Variants in COL4A1 observed in about 807,000 individuals in gnomAD.
The protein encoded by COL4A1 is collagen type IV alpha 1 chain, also known as collagen alpha-1(IV) chain.
COL4A1 carries 40 observed loss-of-function variants against 216.6 expected under a neutral mutation model. That is an observed-to-expected ratio of 0.18 (90% CI 0.14 to 0.24). The LOEUF is 0.24. Ranked by LOEUF, COL4A1 falls within the 10% of genes least tolerant of loss-of-function variation. The pLI is 1.00. For synonymous variants in COL4A1, 839 were observed against 810.7 expected (o/e 1.03, Z -0.59); for missense variants, 1,628 against 2,196.8 (o/e 0.74, Z 5.18).
chr13:110,160,028 G>A (rs748627858), intron 49 of COL4A1, among the ~76,000 whole-genome samples: 6 of 152,112 alleles, frequency 3.9e-5, no homozygotes, highest in African/African-American at 1.2e-4. Context: ...GACGGATGGC[G>A]GTGATGGTAA....
intron 1 of COL4A1, among the ~76,000 whole-genome samples, chr13:110,256,210 G>A (rs917965820): frequency 1.3e-5 from 2 of 152,020 alleles, no homozygotes; most frequent in Admixed American, 1.3e-4. Context: ...AGTTGTCCTG[G>A]GCCCCAAGCG....
chr13:110,204,633 AC>A lies in COL4A1; in HGVS notation c.957+719del, dbSNP rs1879403226. Among the ~76,000 whole-genome samples, 4 of 143,628 alleles carry A rather than the reference AC, an allele frequency of 2.8e-5. No individual in the cohort carries two copies. The South Asian group carries it at 9.4e-4, about 34-fold the overall frequency. 94.2% of individuals were successfully genotyped at this position (143,628 alleles called of 152,430 possible). On this transcript the variant is annotated intron_variant, in intron 17 of 51. Transcript: ENST00000375820. The stretch of plus-strand genomic sequence containing the variant: ...TTTTTTTTTTCTGCCTGTCAGATTG[AC>A]AAATATTTTTTAGATTTTTTTTTTT...
rs7988055 is a variant in COL4A1, at chr13:110,185,098, A to G, written c.1897+1287T>C. Among the ~76,000 whole-genome samples, 1,106 of 152,292 alleles carry G rather than the reference A, an allele frequency of 7.3e-3. 12 individuals are homozygous for G. The highest frequency in any genetic ancestry group is 0.025 in the African/African-American group (1,051 of 41,568). Reference sequence around the variant, plus strand: ...AGAACGGCATGCTGTAATTGCTCCAACGTGGTTATTGTTGGGTATTTCAAA... The same window carrying G: ...AGAACGGCATGCTGTAATTGCTCCAGCGTGGTTATTGTTGGGTATTTCAAA... On this transcript the variant is annotated intron_variant, in intron 26 of 51. Transcript: ENST00000375820.
chr13:110,177,015 G>A lies in COL4A1; in HGVS notation c.2739C>T (p.Ser913=). ...AGCCAGGGTCTCCCCTGGGTCCTGA[G>A]GAGCCCGGAAAGCCATGGTCCCCTG... is the stretch of plus-strand genomic sequence containing the variant. ...GEKGDHGFPG[S]SGPRGDPGLK... is the part of the protein sequence containing the mutation. The change falls in exon 34 of 52, where the codon TCC becomes TCT. Residue 913 remains serine (S), a synonymous_variant. Transcript: ENST00000375820. 2.5e-6 allele frequency: 4 copies of A among 1,614,106 alleles called. No individual in the cohort carries two copies. Among genetic ancestry groups the A allele is most frequent in the East Asian group, 4.5e-5 (2 of 44,878 alleles).
At chr13:110,290,053 A>G (rs1369967639) in intron 1 of COL4A1, among the ~76,000 whole-genome samples, 1 of 152,222 alleles carries the variant, frequency 6.6e-6, no homozygotes, top group South Asian at 2.1e-4. Flanking sequence ...GCACCCTCGC[A>G]GGGGCGTCAC....
intron 22 of COL4A1, among the ~76,000 whole-genome samples, chr13:110,193,859 A>G (rs182387893): frequency 8.1e-4 from 123 of 152,340 alleles, no homozygotes; most frequent in Admixed American, 1.6e-3. Flanking sequence ...CTGAGAACCC[A>G]GCTAAGTTCT....
At chr13:110,185,396 T>C (rs1044638704) in intron 26 of COL4A1, among the ~76,000 whole-genome samples, 8 of 151,678 alleles carry the variant, frequency 5.3e-5, no homozygotes, top group African/African-American at 1.9e-4. Context: ...TGCCAGCCTC[T>C]GCCTCCCAAA....
At chr13:110,194,987 C>T (rs761555348) in intron 22 of COL4A1, 36 bp downstream of exon 22, 1 of 1,581,836 alleles carries the variant, frequency 6.3e-7, no homozygotes, top group South Asian at 1.1e-5. Context: ...TACGCAAAGA[C>T]ACAACCACCA....
chr13:110,245,167 C>T lies in COL4A1; in HGVS notation c.85-2433G>A, dbSNP rs926049816. Among the ~76,000 whole-genome samples the T allele has an allele frequency of 5.9e-5, 9 of 152,212 alleles. No individual in the cohort carries two copies. In the East Asian group the frequency reaches 1.4e-3, roughly 23 times the overall value. On this transcript the variant is annotated intron_variant, in intron 1 of 51. Coordinates refer to ENST00000375820, the MANE Select transcript of COL4A1 (RefSeq NM_001845.6). ...GATCACAGAGTAGCCAGGGAAGAGCCGGGGACTCTGGGGAGTGCGCTGGCA... is the reference window on the plus strand; with the variant it reads ...GATCACAGAGTAGCCAGGGAAGAGCTGGGGACTCTGGGGAGTGCGCTGGCA...
At chr13:110,251,867 A>C (rs1882088749) in intron 1 of COL4A1, among the ~76,000 whole-genome samples, 1 of 152,204 alleles carries the variant, frequency 6.6e-6, no homozygotes, top group African/African-American at 2.4e-5. Flanking sequence ...GCAGAGGCAC[A>C]GTCTTCTCCG....
chr13:110,167,430 A>G (rs1877396565), intron 43 of COL4A1, among the ~76,000 whole-genome samples, 200 bp from the exon 44 acceptor site: 1 of 152,218 alleles, frequency 6.6e-6, no homozygotes, highest in Non-Finnish European at 1.5e-5. Context: ...GGAAAGTAGA[A>G]GCATTTGTTT....
chr13:110,167,758 C>T (rs940725824), intron 43 of COL4A1, among the ~76,000 whole-genome samples: 2 of 152,108 alleles, frequency 1.3e-5, no homozygotes, highest in East Asian at 1.9e-4. Context: ...TGGCAATATT[C>T]GTGTATTTTA....
At chr13:110,225,748 G>A (rs1012308098) in intron 2 of COL4A1, among the ~76,000 whole-genome samples, 3 of 152,108 alleles carry the variant, frequency 2.0e-5, no homozygotes, top group Admixed American at 6.5e-5. Context: ...GCGGAGCTCC[G>A]GGCGCCCTGC....
Position 110,176,019 on chromosome 13 carries a change from GTCCGGGAT to G in COL4A1, c.3058+397_3058+404del, listed in dbSNP as rs562994682. On this transcript the variant is annotated intron_variant, in intron 36 of 51. Transcript: ENST00000375820. ...CACTGATGGCAAAGCATTAAGGCTA[GTCCGGGAT>G]TGGAGCAGAGGAGTCCGGAGAATTC... Among the ~76,000 whole-genome samples the G allele has an allele frequency of 7.5e-3, 1,148 of 152,318 alleles. 13 individuals carry two copies. The highest frequency in any genetic ancestry group is 0.026 in the African/African-American group (1,061 of 41,560).
intron 32 of COL4A1, 47 bp from the exon 33 acceptor site, chr13:110,177,978 T>C (rs758963924): frequency 1.7e-5 from 28 of 1,613,826 alleles, no homozygotes; most frequent in Non-Finnish European, 2.3e-5. Flanking sequence ...CTCTGAATGC[T>C]GACAGTAAAT....
chr13:110,224,617 C>T (rs1880653428), intron 2 of COL4A1, among the ~76,000 whole-genome samples: 1 of 152,224 alleles, frequency 6.6e-6, no homozygotes. Context: ...GCCAACGCTC[C>T]TGACCTAATT....
intron 1 of COL4A1, among the ~76,000 whole-genome samples, chr13:110,294,915 A>T (rs912375952): frequency 6.6e-6 from 1 of 152,242 alleles, no homozygotes; most frequent in Admixed American, 6.5e-5. Flanking sequence ...ATGAATGAAT[A>T]TCATTCATTT....
intron 2 of COL4A1, among the ~76,000 whole-genome samples, chr13:110,239,949 G>A (rs2139242334): frequency 6.6e-6 from 1 of 152,292 alleles, no homozygotes; most frequent in East Asian, 1.9e-4. Flanking sequence ...CTCTGTCAGT[G>A]GGAGGAAGGG....
At chr13:110,156,449 T>A (rs1180470456) in intron 49 of COL4A1, among the ~76,000 whole-genome samples, 1 of 152,216 alleles carries the variant, frequency 6.6e-6, no homozygotes, top group East Asian at 1.9e-4. Flanking sequence ...GGGAAACTTG[T>A]CTTTTTGGTC....
Sources: allele counts gnomAD v4.1 joint callset (sites outside exome capture counted in the v4.1 genomes callset), GRCh38; gene constraint gnomAD v4.1.1; transcripts MANE v1.5; gene names NCBI Gene and HGNC (gene_info 2026-07-23, HGNC 2026-07-21).